DLG2: variants seen among roughly 807,000 people sequenced by gnomAD.
DLG2 encodes the protein disks large homolog 2.
Under a neutral mutation model 132.5 loss-of-function variants are expected in DLG2, and 45 were observed. The ratio of observed to expected loss-of-function variants is 0.34; its 90% CI spans 0.27 to 0.44. The LOEUF (loss-of-function observed/expected upper bound fraction) is 0.44, where lower values mean the gene tolerates loss of function less well. Among genes scored for constraint, DLG2 ranks in the 20% least tolerant of loss-of-function variants. The probability of loss-of-function intolerance (pLI) is 1.00; values close to 1 mark genes in which losing one functional copy is unlikely to be tolerated. For missense variants in DLG2, 1,045 were observed against 1,196.9 expected, an observed-to-expected ratio of 0.87 and a Z score of 1.87; for synonymous variants, 424 against 419.6, an observed-to-expected ratio of 1.01 and a Z score of -0.13.
At chr11:84,523,641 C>T (rs1002149759) in intron 7 of DLG2, among the ~76,000 whole-genome samples, 2 of 152,204 alleles carry the variant, frequency 1.3e-5, no homozygotes, top group Non-Finnish European at 2.9e-5. Flanking sequence ...CTAACAATAT[C>T]ATCTTTAACC....
At chr11:84,687,348 T>G (rs923401617) in intron 6 of DLG2, 1 of 152,150 alleles carries the variant, frequency 6.6e-6, no homozygotes, top group Non-Finnish European at 1.5e-5. Context: ...TGAATGAGTA[T>G]GAATCCTTAG....
chr11:84,310,466 T>C (rs528974742), intron 7 of DLG2, among the ~76,000 whole-genome samples: 1 of 152,298 alleles, frequency 6.6e-6, no homozygotes, highest in East Asian at 1.9e-4. Context: ...ATAAATATTG[T>C]CATTTTTGTT....
chr11:84,094,147 T>C (rs149390692), intron 10 of DLG2, among the ~76,000 whole-genome samples: 1 of 152,104 alleles, frequency 6.6e-6, no homozygotes, highest in Non-Finnish European at 1.5e-5. Context: ...ACTGCTTACA[T>C]TCAAATTCTG....
chr11:84,873,989 A>G (rs2085913236), intron 6 of DLG2, among the ~76,000 whole-genome samples: 1 of 152,230 alleles, frequency 6.6e-6, no homozygotes, highest in Non-Finnish European at 1.5e-5. Flanking sequence ...TAAAGCTCAA[A>G]GAAAGTGTCA....
At chr11:84,797,534 T>A (rs2074804850) in intron 6 of DLG2, among the ~76,000 whole-genome samples, 1 of 152,178 alleles carries the variant, frequency 6.6e-6, no homozygotes, top group South Asian at 2.1e-4. Flanking sequence ...CTTTAGTATG[T>A]CAGTTGAATT....
chr11:83,468,594 T>A (rs2136369279), intron 25 of DLG2, among the ~76,000 whole-genome samples: 1 of 152,292 alleles, frequency 6.6e-6, no homozygotes, highest in East Asian at 1.9e-4. Context: ...TCTTCTCCTA[T>A]GATACTGGTT....
intron 18 of DLG2, among the ~76,000 whole-genome samples, chr11:83,634,238 C>T (rs1450112412): frequency 6.6e-6 from 1 of 151,954 alleles, no homozygotes; most frequent in Non-Finnish European, 1.5e-5. Flanking sequence ...ATAAAAAAAT[C>T]AAAGAAATCT....
chr11:83,908,145 C>T (rs2075368782), intron 15 of DLG2, among the ~76,000 whole-genome samples: 2 of 152,148 alleles, frequency 1.3e-5, no homozygotes, highest in South Asian at 4.1e-4. Flanking sequence ...GAGTATGTAT[C>T]CCCTGAGATC....
intron 7 of DLG2, among the ~76,000 whole-genome samples, chr11:84,367,608 T>C (rs1218678151): frequency 2.0e-5 from 3 of 152,030 alleles, no homozygotes; most frequent in Non-Finnish European, 4.4e-5. Flanking sequence ...GATTAATGGG[T>C]TAGTGAAGTA....
intron 8 of DLG2, among the ~76,000 whole-genome samples, chr11:84,226,845 T>C (rs1048101808): frequency 3.9e-5 from 6 of 152,084 alleles, no homozygotes; most frequent in African/African-American, 4.8e-5. Context: ...CCTAGCACTT[T>C]GGGAGGCCAA....
intron 8 of DLG2, among the ~76,000 whole-genome samples, chr11:84,221,363 C>T (rs2096914193): frequency 6.6e-6 from 1 of 151,942 alleles, no homozygotes; most frequent in Non-Finnish European, 1.5e-5. Context: ...ACTCAGGAGG[C>T]TGAGGCAGGA....
chr11:84,531,441 A>G (rs2099340133), intron 7 of DLG2, among the ~76,000 whole-genome samples: 1 of 152,216 alleles, frequency 6.6e-6, no homozygotes, highest in Admixed American at 6.5e-5. Flanking sequence ...GTTTACCTAT[A>G]TAACAAACCT....
chr11:85,617,135 C>T (rs1014096133), intron 2 of DLG2, among the ~76,000 whole-genome samples: 5 of 152,306 alleles, frequency 3.3e-5, no homozygotes, highest in Middle Eastern at 3.4e-3. Context: ...CCTAAATTTA[C>T]AGACCAAGTC....
At chr11:83,627,858 C>T (rs562276094) in intron 19 of DLG2, among the ~76,000 whole-genome samples, 13 of 152,334 alleles carry the variant, frequency 8.5e-5, no homozygotes, top group Admixed American at 7.2e-4. Flanking sequence ...TATTTCTCCA[C>T]ATCCTCTCCA....
At chr11:85,123,740 G>C (rs2074720092) in intron 5 of DLG2, among the ~76,000 whole-genome samples, 1 of 152,184 alleles carries the variant, frequency 6.6e-6, no homozygotes, top group Middle Eastern at 3.2e-3. Flanking sequence ...ATCTCCAAAA[G>C]GTTAGCTCGA....
intron 19 of DLG2, among the ~76,000 whole-genome samples, chr11:83,579,957 G>A (rs1005585397): frequency 1.1e-4 from 17 of 151,996 alleles, no homozygotes; most frequent in African/African-American, 2.2e-4. Flanking sequence ...GTGACAGAGC[G>A]AGACTCTATC....
At chr11:85,022,259 C>T (rs1229047644) in intron 6 of DLG2, among the ~76,000 whole-genome samples, 1 of 151,008 alleles carries the variant, frequency 6.6e-6, no homozygotes, top group Non-Finnish European at 1.5e-5. Flanking sequence ...GAATGAAACA[C>T]TAAAAAGAAA....
chr11:83,522,028 C>T (rs905597064), intron 21 of DLG2, among the ~76,000 whole-genome samples: 2 of 152,200 alleles, frequency 1.3e-5, no homozygotes, highest in Non-Finnish European at 1.5e-5. Context: ...TGTTACTGGG[C>T]CTCAAGCTAT....
chr11:85,513,813 G>A (rs891371417), intron 3 of DLG2, among the ~76,000 whole-genome samples: 4 of 151,678 alleles, frequency 2.6e-5, no homozygotes, highest in African/African-American at 7.3e-5. Flanking sequence ...TTAACCTATT[G>A]ATACTTCTAA....
Sources: gnomAD v4.1 joint callset for allele counts (sites outside exome capture counted in the v4.1 genomes callset) on GRCh38, gnomAD v4.1.1 for gene constraint, MANE v1.5 for transcripts, NCBI Gene and HGNC (gene_info 2026-07-23, HGNC 2026-07-21) for gene names.